Variants in PARD3B observed in about 807,000 individuals in gnomAD.
PARD3B encodes the protein partitioning defective 3 homolog B.
In PARD3B, 103 loss-of-function variants were observed where a neutral mutation model predicts 130.2. The ratio of observed to expected loss-of-function variants is 0.79; its 90% CI spans 0.67 to 0.93. The LOEUF (loss-of-function observed/expected upper bound fraction) is 0.93, where lower values mean the gene tolerates loss of function less well. Ranked by LOEUF, PARD3B falls within the 40% of genes least tolerant of loss-of-function variation. The probability of loss-of-function intolerance (pLI) is 0.00; values close to 1 mark genes in which losing one functional copy is unlikely to be tolerated. For synonymous variants in PARD3B, 583 were observed against 553.2 expected, an observed-to-expected ratio of 1.05 and a Z score of -0.76; for missense variants, 1,609 against 1,499.2, an observed-to-expected ratio of 1.07 and a Z score of -1.21.
intron 10 of PARD3B, among the ~76,000 whole-genome samples, chr2:205,139,598 TAAAC>T (rs1233297082): frequency 1.3e-5 from 2 of 152,192 alleles, no homozygotes; most frequent in Non-Finnish European, 2.9e-5. Flanking sequence ...GCAAGGAAAT[TAAAC>T]AAAGATGAAG....
intron 2 of PARD3B, among the ~76,000 whole-genome samples, chr2:204,945,839 T>A (rs1461990428): frequency 2.1e-5 from 3 of 145,012 alleles, no homozygotes; most frequent in Non-Finnish European, 4.6e-5. Context: ...CCTGTATTTC[T>A]TTTCCTGTTA....
In PARD3B at chr2:205,122,061, A is replaced by G; in HGVS notation, c.1165+112A>G. On this transcript the variant is annotated intron_variant, in intron 8 of 22. Coordinates refer to ENST00000406610, the MANE Select transcript of PARD3B (RefSeq NM_001302769.2). The surrounding 1 kb of genome is among the most constrained non-coding windows in gnomAD (Gnocchi z 4.3). Reference sequence around the variant, plus strand: ...ATTCTCCCTTCATTTAATTGTATCAAAGAATAGATTTAAGTGTATACTTAG... The same window carrying G: ...ATTCTCCCTTCATTTAATTGTATCAGAGAATAGATTTAAGTGTATACTTAG... The G allele has an allele frequency of 1.1e-6, 1 of 939,330 alleles. No homozygotes were observed. Among genetic ancestry groups the G allele is most frequent in the Non-Finnish European group, 1.6e-6 (1 of 643,842 alleles). 58.2% of individuals were successfully genotyped at this position (939,330 alleles called of 1,614,324 possible).
intron 11 of PARD3B, among the ~76,000 whole-genome samples, chr2:205,162,307 T>C (rs2034551386): frequency 6.6e-6 from 1 of 152,250 alleles, no homozygotes; most frequent in Non-Finnish European, 1.5e-5. Flanking sequence ...CTTCTGTGCA[T>C]GCATCAGGCT....
At chr2:204,582,570 G>T (rs956631766) in intron 1 of PARD3B, among the ~76,000 whole-genome samples, 1 of 152,056 alleles carries the variant, frequency 6.6e-6, no homozygotes, top group Non-Finnish European at 1.5e-5. Context: ...TCCACAGCAC[G>T]GGTGGGTTTT....
chr2:205,294,872 G>A (rs2041732448), intron 16 of PARD3B, among the ~76,000 whole-genome samples: 1 of 152,156 alleles, frequency 6.6e-6, no homozygotes. Flanking sequence ...AGGAAACAGG[G>A]CACTGTGATA....
At position 204,907,231 on chromosome 2, in the gene PARD3B, C is replaced by T. The variant is rs570242788; in HGVS notation, c.223-57921C>T. On this transcript the variant is annotated intron_variant, in intron 2 of 22. Coordinates refer to ENST00000406610, the MANE Select transcript of PARD3B (RefSeq NM_001302769.2). The surrounding 1 kb of genome is among the most constrained non-coding windows in gnomAD (Gnocchi z 5.7). ...TTCTGACCTTGTTATCCACCCACCT[C>T]GGCCTCCCAAAGTGCTGGGATTACC... 6.6e-6 allele frequency among the ~76,000 whole-genome samples: 1 copy of T among 152,228 alleles called. No homozygotes were observed. The highest frequency in any genetic ancestry group is 2.1e-4 in the South Asian group (1 of 4,828).
chr2:204,924,416 G>A (rs1432465959), intron 2 of PARD3B, among the ~76,000 whole-genome samples: 1 of 152,004 alleles, frequency 6.6e-6, no homozygotes, highest in African/African-American at 2.4e-5. Context: ...TAGTATTAAA[G>A]GGGCATTAAT....
chr2:204,685,490 G>T (rs546766292), intron 1 of PARD3B, among the ~76,000 whole-genome samples: 1 of 152,106 alleles, frequency 6.6e-6, no homozygotes, highest in African/African-American at 2.4e-5. Context: ...CAGAGTAAGC[G>T]GTTTTTAAAA....
intron 2 of PARD3B, among the ~76,000 whole-genome samples, chr2:204,786,152 C>A (rs978884893): frequency 1.3e-4 from 19 of 149,650 alleles, no homozygotes; most frequent in African/African-American, 4.7e-4. Flanking sequence ...TTGAAACCAA[C>A]GAATCGCTAT....
At chr2:205,056,105 G>C (rs1188189968) in intron 4 of PARD3B, among the ~76,000 whole-genome samples, 1 of 152,084 alleles carries the variant, frequency 6.6e-6, no homozygotes, top group African/African-American at 2.4e-5. Flanking sequence ...GGGTTAATGA[G>C]AGTTCACCTT....
At chr2:204,833,941 C>T (rs2125573509) in intron 2 of PARD3B, among the ~76,000 whole-genome samples, 1 of 152,260 alleles carries the variant, frequency 6.6e-6, no homozygotes, top group African/African-American at 2.4e-5. Flanking sequence ...CCATTCTTCC[C>T]CTGCTCCCAT....
intron 1 of PARD3B, among the ~76,000 whole-genome samples, chr2:204,646,978 A>G (rs960634538): frequency 6.6e-6 from 1 of 152,030 alleles, no homozygotes; most frequent in African/African-American, 2.4e-5. Context: ...TTGAATATCT[A>G]ACTTAAGAGT....
chr2:204,961,580 C>T (rs545634045), intron 2 of PARD3B, among the ~76,000 whole-genome samples: 2 of 151,888 alleles, frequency 1.3e-5, no homozygotes, highest in African/African-American at 2.4e-5. Context: ...ATTTATCAGC[C>T]GATAGAGTTA....
At chr2:205,439,350 C>T (rs1342469828) in intron 19 of PARD3B, among the ~76,000 whole-genome samples, 6 of 152,120 alleles carry the variant, frequency 3.9e-5, no homozygotes, top group Admixed American at 3.9e-4. Context: ...TCTTATCTCT[C>T]CTCTTGTACA....
intron 3 of PARD3B, among the ~76,000 whole-genome samples, chr2:204,979,632 A>C (rs1273174345): frequency 6.6e-6 from 1 of 152,220 alleles, no homozygotes; most frequent in Non-Finnish European, 1.5e-5. Context: ...GCTTACCTTA[A>C]CAGATATGTA....
intron 13 of PARD3B, among the ~76,000 whole-genome samples, chr2:205,184,091 T>G (rs1258357380): frequency 6.6e-6 from 1 of 152,150 alleles, no homozygotes; most frequent in Non-Finnish European, 1.5e-5. Context: ...TGCCTTCACG[T>G]GATTAGACAA....
rs558223475 is a variant in PARD3B at position 205,097,007 on chromosome 2, T to C, written c.505-7419T>C. On this transcript the variant is annotated intron_variant, in intron 4 of 22. Transcript: ENST00000406610. ...CAGTTAATGTGCTTGCTTTCAAAAC[T>C]AAGTCTTAGGAAACGGGGGTCCCAA... 2.0e-5 allele frequency among the ~76,000 whole-genome samples: 3 copies of C among 152,254 alleles called. No homozygotes were observed. The South Asian group carries it at 6.2e-4, about 32-fold the overall frequency.
chr2:204,760,324 G>A (rs1374492513), intron 2 of PARD3B, among the ~76,000 whole-genome samples: 2 of 152,010 alleles, frequency 1.3e-5, no homozygotes, highest in Admixed American at 6.6e-5. Flanking sequence ...ATTTTTGCTT[G>A]TATTGATTTT....
chr2:205,132,771 G>A (rs2032123585), intron 10 of PARD3B, among the ~76,000 whole-genome samples: 1 of 152,056 alleles, frequency 6.6e-6, no homozygotes, highest in African/African-American at 2.4e-5. Context: ...TTCCTCATTT[G>A]TTAAAAATGA....
Sources: allele counts gnomAD v4.1 joint callset (sites outside exome capture counted in the v4.1 genomes callset), GRCh38; gene constraint gnomAD v4.1.1; non-coding constraint Gnocchi (gnomAD v3.1); transcripts MANE v1.5; gene names NCBI Gene and HGNC (gene_info 2026-07-23, HGNC 2026-07-21).